DPH5: variants seen among roughly 807,000 people sequenced by gnomAD.
DPH5 encodes the protein diphthamide biosynthesis 5.
Under a neutral mutation model 31.6 loss-of-function variants are expected in DPH5, and 31 were observed. The observed-to-expected ratio is 0.98, with a 90% CI of 0.74 to 1.32. The LOEUF is 1.32. Among genes scored for constraint, DPH5 ranks in the 40% most tolerant of loss-of-function variants. The pLI is 0.00. For synonymous variants in DPH5, 120 were observed against 115.0 expected, an observed-to-expected ratio of 1.04 and a Z score of -0.28; for missense variants, 309 against 335.7, an observed-to-expected ratio of 0.92 and a Z score of 0.62.
chr1:101,002,382 C>T (rs552342758), intron 4 of DPH5, among the ~76,000 whole-genome samples: 1 of 152,110 alleles, frequency 6.6e-6, no homozygotes. Context: ...TGTGATATTA[C>T]TGTAAGATTT....
At chr1:101,025,146 G>T (rs949696509) in intron 2 of DPH5, 163 bp downstream of exon 2, 2 of 814,030 alleles carry the variant, frequency 2.5e-6, no homozygotes, top group East Asian at 2.9e-5. Context: ...CACTTGGTTG[G>T]TGTAAAATTT....
At chr1:101,015,740 G>A (rs1480585369) in intron 3 of DPH5, among the ~76,000 whole-genome samples, 2 of 152,196 alleles carry the variant, frequency 1.3e-5, no homozygotes. Context: ...TGATTCATCA[G>A]TTACCTTAGC....
chr1:101,003,162 T>C (rs887307164), intron 4 of DPH5, among the ~76,000 whole-genome samples: 3 of 152,186 alleles, frequency 2.0e-5, no homozygotes, highest in Non-Finnish European at 4.4e-5. Flanking sequence ...TAACTCCAAG[T>C]ATTGAGTCAT....
At position 101,005,246 on chromosome 1, in the gene DPH5, TA is replaced by T. The variant is rs1336347473; in HGVS notation, c.370-3660del. Among the ~76,000 whole-genome samples the T allele has an allele frequency of 5.3e-5, 8 of 152,368 alleles. No homozygotes were observed. The East Asian group carries it at 1.5e-3, about 29-fold the overall frequency. On this transcript the variant is annotated intron_variant, in intron 4 of 7. Transcript: ENST00000370109. Reference sequence around the variant, plus strand: ...ATCTGTTAAGAAAAATTAAACTTGCTAAGAACTCTATTAAGCCCTGCAAGTA... The same window carrying T: ...ATCTGTTAAGAAAAATTAAACTTGCTAGAACTCTATTAAGCCCTGCAAGTA...
intron 7 of DPH5, among the ~76,000 whole-genome samples, chr1:100,992,243 T>C (rs1348975694): frequency 6.6e-6 from 1 of 152,126 alleles, no homozygotes; most frequent in East Asian, 1.9e-4. Context: ...AGTCTCAATA[T>C]TAAGAATGAA....
At position 101,021,744 on chromosome 1, in the gene DPH5, A is replaced by G. The variant is rs1436137532; in HGVS notation, c.157T>C (p.Leu53=). ...EALEEFYGRK[L]VVADREEVEQ... ...ACTTCTTCTCTATCAGCAACAACCA[A>G]TTTTCTTCCATAAAACTCTTCCTAC... is the stretch of plus-strand genomic sequence containing the variant. The change falls in exon 3 of 8, where the codon TTG becomes CTG. Residue 53 remains leucine, a synonymous_variant. Coordinates refer to ENST00000370109, the MANE Select transcript of DPH5 (RefSeq NM_015958.3). 1 of 1,612,204 alleles carries G rather than the reference A, an allele frequency of 6.2e-7. No homozygotes were observed. The highest frequency in any genetic ancestry group is 1.3e-5 in the African/African-American group (1 of 74,688).
chr1:100,993,779 T>C (rs1658068979), intron 6 of DPH5, among the ~76,000 whole-genome samples: 1 of 151,502 alleles, frequency 6.6e-6, no homozygotes, highest in Admixed American at 6.6e-5. Flanking sequence ...TCTCACTCTG[T>C]TGCCCAGGCT....
chr1:100,996,668 T>G (rs1235748335), intron 5 of DPH5, among the ~76,000 whole-genome samples: 2 of 152,182 alleles, frequency 1.3e-5, no homozygotes, highest in East Asian at 3.8e-4. Context: ...ATCCACTCTC[T>G]GGGCAACGTA....
intron 4 of DPH5, among the ~76,000 whole-genome samples, chr1:101,003,546 G>A (rs999845342): frequency 1.2e-4 from 19 of 152,150 alleles, no homozygotes; most frequent in African/African-American, 4.6e-4. Flanking sequence ...TCCTTGGGAG[G>A]AACCCTTCTA....
chr1:101,013,787 C>G lies in DPH5; in HGVS notation c.292G>C (p.Ala98Pro). The G allele has an allele frequency of 1.2e-6, 2 of 1,613,002 alleles. No individual in the cohort carries two copies. Among genetic ancestry groups the G allele is most frequent in the Non-Finnish European group, 1.7e-6 (2 of 1,179,470 alleles). The change falls in exon 4 of 8, where the codon GCA becomes CCA. Residue 98 changes from alanine to proline, a missense_variant. By Grantham distance (27) the Ala-to-Pro change is conservative. Transcript: ENST00000370109. The stretch of plus-strand genomic sequence containing the variant: ...CTATAAGGAATTCCCAGCTTTGTTG[C>G]TCTTAGAACAAGATCACTGTGTGTT... ...ATTHSDLVLR[A>P]TKLGIPYRVI...
chr1:100,990,616 G>A lies in DPH5; in HGVS notation c.650C>T (p.Thr217Ile). Residue 217 changes from threonine to isoleucine, a missense_variant, in exon 8 of 8, where the codon ACA (threonine) becomes ATA (isoleucine). Thr to Ile is a moderately conservative substitution (Grantham distance 89, BLOSUM62 -1). Transcript: ENST00000370109. The stretch of plus-strand genomic sequence containing the variant: ...AACCCTGGCTAAGCCAACACAAAGT[G>A]TCTCCTCGGTAACTGCTATTAAAAA... ...RGEEPAVTEE[T>I]LCVGLARVGA... The A allele has an allele frequency of 6.2e-7, 1 of 1,613,664 alleles. No individual in the cohort carries two copies. Among genetic ancestry groups the A allele is most frequent in the Non-Finnish European group, 8.5e-7 (1 of 1,179,926 alleles).
chr1:101,008,699 G>T (rs1031150413), intron 4 of DPH5, among the ~76,000 whole-genome samples: 17 of 152,194 alleles, frequency 1.1e-4, no homozygotes, highest in Non-Finnish European at 2.4e-4. Context: ...TCCCTAAAGT[G>T]CTTCCAAGAC....
In DPH5 at chr1:101,018,006, C is replaced by A. The variant is rs560558008; in HGVS notation, c.260+3635G>T. ...TTTATTTAAAATGAGTAGACACATACATATACACACAAACAAATTTACTAT... is the reference window on the plus strand; with the variant it reads ...TTTATTTAAAATGAGTAGACACATAAATATACACACAAACAAATTTACTAT... On this transcript the variant is annotated intron_variant, in intron 3 of 7. Transcript: ENST00000370109. 1.5e-4 allele frequency among the ~76,000 whole-genome samples: 23 copies of A among 152,254 alleles called. 1 individual carries two copies. In the South Asian group the frequency reaches 4.8e-3, roughly 32 times the overall value.
intron 2 of DPH5, 128 bp from the exon 3 acceptor site, chr1:101,021,893 C>G (rs1267412892): frequency 3.5e-6 from 3 of 859,702 alleles, no homozygotes; most frequent in Non-Finnish European, 5.1e-6. Flanking sequence ...TGTTGGCAAC[C>G]ACCCAAATGC....
rs114252094 is a variant in DPH5 at position 101,023,997 on chromosome 1, C to G, written c.135+1312G>C. ...GTCTTTTCTTGAAGGTGTTAAGTTCCTTTTACTTTTCCTTAATCACTGATT... is the reference window on the plus strand; with the variant it reads ...GTCTTTTCTTGAAGGTGTTAAGTTCGTTTTACTTTTCCTTAATCACTGATT... On this transcript the variant is annotated intron_variant, in intron 2 of 7. Coordinates refer to ENST00000370109, the MANE Select transcript of DPH5 (RefSeq NM_015958.3). Among the ~76,000 whole-genome samples the G allele has an allele frequency of 7.5e-3, 1,135 of 152,220 alleles. 10 individuals are homozygous for G. The highest frequency in any genetic ancestry group is 0.026 in the African/African-American group (1,073 of 41,516).
In DPH5 at chr1:100,990,054, G is replaced by A. The variant is rs963259466; in HGVS notation, c.*354C>T. ...CTCACACTGCTATGAAGAAATACCC[G>A]AGACTGGGTAATTATAAAAGAGGTT... On this transcript the variant is annotated 3_prime_UTR_variant, in exon 8 of 8. Coordinates refer to ENST00000370109, the MANE Select transcript of DPH5 (RefSeq NM_015958.3). The A allele has an allele frequency of 5.1e-5, 13 of 256,140 alleles. No homozygotes were observed. The highest frequency in any genetic ancestry group is 2.0e-4 in the South Asian group (4 of 19,552). The allele number at this position is 256,140 out of a possible 1,614,324, so 15.9% of individuals were successfully genotyped here.
intron 3 of DPH5, among the ~76,000 whole-genome samples, chr1:101,018,207 A>G (rs1424272518): frequency 6.6e-6 from 1 of 152,060 alleles, no homozygotes; most frequent in Non-Finnish European, 1.5e-5. Flanking sequence ...TAAAGTACAC[A>G]AAGGTGACCA....
chr1:101,017,663 C>T (rs1317024408), intron 3 of DPH5, among the ~76,000 whole-genome samples: 1 of 152,178 alleles, frequency 6.6e-6, no homozygotes, highest in Non-Finnish European at 1.5e-5. Context: ...CTGGTCAATG[C>T]ATACCAAGTA....
rs1359021128 is a variant in DPH5 at position 100,990,047 on chromosome 1, A to C, written c.*361T>G. 4.0e-6 allele frequency: 1 copy of C among 251,204 alleles called. No homozygotes were observed. The highest frequency in any genetic ancestry group is 7.8e-6 in the Non-Finnish European group (1 of 128,224). 15.6% of individuals were successfully genotyped at this position (251,204 alleles called of 1,614,324 possible). A position where few individuals can be genotyped will look rare whatever the true frequency, so the allele number is the denominator to read the frequency against. On this transcript the variant is annotated 3_prime_UTR_variant, in exon 8 of 8. Coordinates refer to ENST00000370109, the MANE Select transcript of DPH5 (RefSeq NM_015958.3). ...ATCCATTCTCACACTGCTATGAAGA[A>C]ATACCCGAGACTGGGTAATTATAAA...
Sources: allele counts gnomAD v4.1 joint callset (sites outside exome capture counted in the v4.1 genomes callset), GRCh38; gene constraint gnomAD v4.1.1; transcripts MANE v1.5; gene names NCBI Gene and HGNC (gene_info 2026-07-23, HGNC 2026-07-21).